Variants in LRP4 observed in about 807,000 individuals in gnomAD.
LRP4 encodes low-density lipoprotein receptor-related protein 4.
LRP4 carries 95 observed loss-of-function variants against 220.3 expected under a neutral mutation model. That is an observed-to-expected ratio of 0.43 (90% CI 0.37 to 0.51). The LOEUF is 0.51. Among genes scored for constraint, LRP4 ranks in the 20% least tolerant of loss-of-function variants. LRP4 has a pLI of 0.00. For missense variants in LRP4, 1,925 were observed against 2,567.0 expected (o/e 0.75, Z 5.40); for synonymous variants, 903 against 954.6 (o/e 0.95, Z 1.00).
At chr11:46,906,202 T>A (rs1941757009) in intron 1 of LRP4, among the ~76,000 whole-genome samples, 1 of 152,180 alleles carries the variant, frequency 6.6e-6, no homozygotes, top group African/African-American at 2.4e-5. Flanking sequence ...ATGCCTATAA[T>A]CCTAGCACTT....
At chr11:46,912,874 A>G (rs1380320568) in intron 1 of LRP4, among the ~76,000 whole-genome samples, 1 of 152,230 alleles carries the variant, frequency 6.6e-6, no homozygotes, top group Non-Finnish European at 1.5e-5. Flanking sequence ...ACCTCCGGTG[A>G]TAAATTATGC....
In LRP4 at chr11:46,881,751, G is replaced by C; in HGVS notation, c.2765C>G (p.Ala922Gly). 6.2e-7 allele frequency: 1 copy of C among 1,613,782 alleles called. No homozygotes were observed. Among genetic ancestry groups the C allele is most frequent in the Non-Finnish European group, 8.5e-7 (1 of 1,180,030 alleles). Residue 922 changes from alanine to glycine, a missense_variant, in exon 20 of 38, where the codon GCC becomes GGC. This residue lies in a region of LRP4 where 1,244 missense variants were observed against 1,624.9 expected (regional missense o/e 0.77). Transcript: ENST00000378623. The stretch of plus-strand genomic sequence containing the variant: ...AGCAAATTCAATTGTCTTCATGCCG[G>C]CGTCAGCCCAGTATAGACGCTGGGA... ...YGSQRLYWAD[A>G]GMKTIEFAGL...
chr11:46,906,917 T>C (rs912666973), intron 1 of LRP4, among the ~76,000 whole-genome samples: 1 of 152,174 alleles, frequency 6.6e-6, no homozygotes, highest in Non-Finnish European at 1.5e-5. Context: ...CAGCCACCGG[T>C]CAGGCAAACG....
chr11:46,894,694 G>A lies in LRP4; in HGVS notation c.1435C>T (p.Arg479Cys), dbSNP rs143207358. The A allele has an allele frequency of 3.0e-5, 48 of 1,614,096 alleles. No homozygotes were observed. Among genetic ancestry groups the A allele is most frequent in the East Asian group, 4.5e-5 (2 of 44,892 alleles). ...NAIALDFHHRRELVFWSDVTL... is the reference protein window; with the variant it reads ...NAIALDFHHRCELVFWSDVTL... ...ACATCTGACCAGAAGACAAGCTCGC[G>A]GCGGTGGTGGAAATCAAGGGCAATG... is the stretch of plus-strand genomic sequence containing the variant. The change falls in exon 12 of 38, where the codon CGC becomes TGC. Residue 479 changes from arginine to cysteine, a missense_variant. Around this residue, in one of 3 missense-constraint regions of LRP4, gnomAD observed 269 missense variants for 436.7 expected, o/e 0.62. Coordinates refer to ENST00000378623, the MANE Select transcript of LRP4 (RefSeq NM_002334.4).
intron 30 of LRP4, among the ~76,000 whole-genome samples, 181 bp downstream of exon 30, chr11:46,872,919 G>A (rs1472150879): frequency 2.0e-5 from 3 of 152,204 alleles, no homozygotes; most frequent in Non-Finnish European, 2.9e-5. Context: ...ACCCACATAA[G>A]GGTTGAGGGC....
At chr11:46,863,241 T>C (rs1043517235) in intron 36 of LRP4, among the ~76,000 whole-genome samples, 2 of 152,154 alleles carry the variant, frequency 1.3e-5, no homozygotes, top group African/African-American at 4.8e-5. Flanking sequence ...GTGAGACACC[T>C]TGAGGCAGAG....
At chr11:46,894,543 G>A (rs557820009) in intron 12 of LRP4, 46 bp downstream of exon 12, 7 of 1,433,622 alleles carry the variant, frequency 4.9e-6, no homozygotes, top group Non-Finnish European at 6.8e-6. Flanking sequence ...CCGTTGCTGC[G>A]CATGTGGCAT....
At chr11:46,896,357 T>C (rs1321419182) in intron 8 of LRP4, 22 bp from the exon 9 acceptor site, 10 of 1,612,130 alleles carry the variant, frequency 6.2e-6, no homozygotes, top group Non-Finnish European at 8.5e-6. Context: ...GAGGGTCAGG[T>C]CATAGCAAGG....
chr11:46,869,978 C>G (rs961473718), intron 31 of LRP4, among the ~76,000 whole-genome samples: 1 of 151,982 alleles, frequency 6.6e-6, no homozygotes, highest in East Asian at 1.9e-4. Context: ...TGGTGGCACG[C>G]ACCTGTAATC....
At chr11:46,912,793 C>T (rs1232002973) in intron 1 of LRP4, among the ~76,000 whole-genome samples, 1 of 152,230 alleles carries the variant, frequency 6.6e-6, no homozygotes, top group Non-Finnish European at 1.5e-5. Context: ...TGCCCTACAC[C>T]CAGACAGAGG....
At chr11:46,909,305 CAAT>C (rs1941813507) in intron 1 of LRP4, among the ~76,000 whole-genome samples, 2 of 151,784 alleles carry the variant, frequency 1.3e-5, no homozygotes, top group African/African-American at 4.8e-5. Context: ...ATTAGGATTA[CAAT>C]GAGAAAAGGA....
intron 37 of LRP4, among the ~76,000 whole-genome samples, chr11:46,862,382 C>T (rs1261903600): frequency 6.6e-6 from 1 of 152,180 alleles, no homozygotes; most frequent in Admixed American, 6.5e-5. Context: ...CTTCTGAGAT[C>T]TGCCTTCTAA....
intron 20 of LRP4, among the ~76,000 whole-genome samples, chr11:46,881,058 CAAA>C (rs60125188): frequency 3.5e-3 from 197 of 56,112 alleles, no homozygotes; most frequent in South Asian, 6.9e-3. Flanking sequence ...TCTAAAAAAC[CAAA>C]AAAAAAAAAA....
intron 15 of LRP4, 32 bp downstream of exon 15, chr11:46,889,912 T>C (rs201399741): frequency 6.2e-7 from 1 of 1,613,856 alleles, no homozygotes; most frequent in Non-Finnish European, 8.5e-7. Flanking sequence ...ACCATGAGGC[T>C]ACTTTGGCTC....
intron 1 of LRP4, among the ~76,000 whole-genome samples, chr11:46,903,963 G>T (rs892863297): frequency 1.1e-4 from 16 of 152,154 alleles, no homozygotes; most frequent in African/African-American, 3.9e-4. Flanking sequence ...ACCAGCTGCT[G>T]TGCCCCCTCC....
In LRP4 at chr11:46,899,970, CG is replaced by C; in HGVS notation, c.322del (p.Arg108GlyfsTer289). 1 of 1,612,762 alleles carries C rather than the reference CG, an allele frequency of 6.2e-7. No homozygotes were observed. The highest frequency in any genetic ancestry group is 8.5e-7 in the Non-Finnish European group (1 of 1,179,288). ...DDSDEQDCPPRECEEDEFPCQ... is the reference protein window; with the variant it reads ...DDSDEQDCPPXECEEDEFPCQ... ...GGGAAACTCGTCCTCCTCACACTCC[CG>C]GGGGGCTGTGGGCACAGAGCAGTCA... On this transcript the variant is annotated frameshift_variant, in exon 4 of 38. Transcript: ENST00000378623. LOFTEE classifies it high-confidence loss of function. The surrounding 1 kb of genome is among the most constrained non-coding windows in gnomAD (Gnocchi z 5.9).
At chr11:46,865,081 A>C (rs376449880) in intron 35 of LRP4, 38 bp downstream of exon 35, 1 of 1,528,198 alleles carries the variant, frequency 6.5e-7, no homozygotes, top group East Asian at 2.4e-5. Flanking sequence ...GATTCATTAC[A>C]TCTTCTTTTC....
chr11:46,898,241 A>C (rs1379399989), intron 7 of LRP4, among the ~76,000 whole-genome samples: 2 of 152,234 alleles, frequency 1.3e-5, no homozygotes, highest in Non-Finnish European at 2.9e-5. Context: ...ACTCTGCTAC[A>C]GGGACGCCGT....
chr11:46,896,954 T>C lies in LRP4; in HGVS notation c.837A>G (p.Ser279=). 6.2e-7 allele frequency: 1 copy of C among 1,614,226 alleles called. No individual in the cohort carries two copies. Among genetic ancestry groups the C allele is most frequent in the Non-Finnish European group, 8.5e-7 (1 of 1,180,024 alleles). The change falls in exon 8 of 38, where the codon TCA becomes TCG. Residue 279 remains serine, a synonymous_variant. Coordinates refer to ENST00000378623, the MANE Select transcript of LRP4 (RefSeq NM_002334.4). ...MCTAEQFRCH[S]GRCVRLSWRC... ...GCCAGGACAGGCGGACACAGCGGCC[T>C]GAGTGACAGCGGAACTGTTCTGCCG... is the stretch of plus-strand genomic sequence containing the variant.
Sources: allele counts gnomAD v4.1 joint callset (sites outside exome capture counted in the v4.1 genomes callset), GRCh38; gene constraint gnomAD v4.1.1; regional missense constraint gnomAD v4.1.1; non-coding constraint Gnocchi (gnomAD v3.1); transcripts MANE v1.5; gene names NCBI Gene and HGNC (gene_info 2026-07-23, HGNC 2026-07-21).